Variants in SLC6A17 observed in about 807,000 individuals in gnomAD.
The protein encoded by SLC6A17 is sodium-dependent neutral amino acid transporter SLC6A17.
In SLC6A17, 21 loss-of-function variants were observed where a neutral mutation model predicts 64.5. That is an observed-to-expected ratio of 0.33 (90% CI 0.23 to 0.47). SLC6A17 has a LOEUF of 0.47. Ranked by LOEUF, SLC6A17 falls within the 20% of genes least tolerant of loss-of-function variation. The pLI is 1.00. For missense variants in SLC6A17, 682 were observed against 963.2 expected, an observed-to-expected ratio of 0.71 and a Z score of 3.86; for synonymous variants, 372 against 399.5, an observed-to-expected ratio of 0.93 and a Z score of 0.82.
rs577209902 is a variant in SLC6A17, at chr1:110,198,111, C to G, written c.1851C>G (p.Ala617=). 1 of 1,613,918 alleles carries G rather than the reference C, an allele frequency of 6.2e-7. No individual in the cohort carries two copies. Among genetic ancestry groups the G allele is most frequent in the South Asian group, 1.1e-5 (1 of 91,086 alleles). Residue 617 remains alanine, a synonymous_variant, in exon 12 of 12, where the codon GCC becomes GCG. Transcript: ENST00000331565. ...GCTACCTGTATTTCCCCAACTGGGC[C>G]ATGGCACTCCTGATCACCCTCATCG... ...AERYLYFPNW[A]MALLITLIVV...
chr1:110,198,006 G>C, intron 11 of SLC6A17, 70 bp from the exon 12 acceptor site: 1 of 1,547,860 alleles, frequency 6.5e-7, no homozygotes. Flanking sequence ...CAGGAGAGCA[G>C]TCTTGGAGGG....
chr1:110,194,796 C>T, intron 9 of SLC6A17, 25 bp downstream of exon 9: 4 of 1,607,334 alleles, frequency 2.5e-6, no homozygotes, highest in Non-Finnish European at 3.4e-6. Flanking sequence ...CCCCCATGCC[C>T]AGGCTCTGCA....
chr1:110,154,479 A>G (rs1655702717), intron 1 of SLC6A17, among the ~76,000 whole-genome samples: 2 of 152,182 alleles, frequency 1.3e-5, no homozygotes, highest in Admixed American at 6.5e-5. Flanking sequence ...GCCTGTACTA[A>G]TTGGAAATTG....
Position 110,201,826 on chromosome 1 carries a change from C to T in SLC6A17, c.*3382C>T, listed in dbSNP as rs1249503334. 2 of 152,376 alleles carry T rather than the reference C, an allele frequency of 1.3e-5. No homozygotes were observed. Among genetic ancestry groups the T allele is most frequent in the African/African-American group, 4.8e-5 (2 of 41,534 alleles). 9.4% of individuals were successfully genotyped at this position (152,376 alleles called of 1,614,324 possible). A position where few individuals can be genotyped will look rare whatever the true frequency, so the allele number is the denominator to read the frequency against. ...CCCCACCCCACTCCCCCAGAGTACT[C>T]CCCACTGTGAAAAGAGCTGGAAACT... On this transcript the variant is annotated 3_prime_UTR_variant, in exon 12 of 12. Coordinates refer to ENST00000331565, the MANE Select transcript of SLC6A17 (RefSeq NM_001010898.4).
chr1:110,174,819 C>T lies in SLC6A17; in HGVS notation c.612C>T (p.Tyr204=). ...GTGAAAAGAGCTCAGCCACTACCTA[C>T]TTCTGGTACCGAGAGGCCTTGGACA... ...AECEKSSATT[Y]FWYREALDIS... is the part of the protein sequence containing the mutation. Residue 204 remains tyrosine (Y), a synonymous_variant, in exon 5 of 12, where the codon TAC becomes TAT. Coordinates refer to ENST00000331565, the MANE Select transcript of SLC6A17 (RefSeq NM_001010898.4). The T allele has an allele frequency of 6.2e-7, 1 of 1,614,212 alleles. No individual in the cohort carries two copies. The highest frequency in any genetic ancestry group is 1.1e-5 in the South Asian group (1 of 91,076).
intron 6 of SLC6A17, among the ~76,000 whole-genome samples, chr1:110,191,283 CAATA>C (rs1276993073): frequency 3.3e-5 from 5 of 152,288 alleles, no homozygotes; most frequent in African/African-American, 1.2e-4. Flanking sequence ...AAGGAACAAA[CAATA>C]AAAGGAAAAT....
At chr1:110,183,381 G>A (rs958883231) in intron 6 of SLC6A17, among the ~76,000 whole-genome samples, 2 of 152,118 alleles carry the variant, frequency 1.3e-5, no homozygotes, top group Admixed American at 6.5e-5. Flanking sequence ...GACCACACAC[G>A]GTATGAGTCC....
intron 6 of SLC6A17, among the ~76,000 whole-genome samples, chr1:110,186,765 A>C (rs1489115753): frequency 6.6e-6 from 1 of 152,212 alleles, no homozygotes; most frequent in Non-Finnish European, 1.5e-5. Context: ...CCTAAGCACA[A>C]AGTGTTGAAA....
chr1:110,167,148 G>A lies in SLC6A17; in HGVS notation c.219G>A (p.Gln73=). 2 of 1,613,794 alleles carry A rather than the reference G, an allele frequency of 1.2e-6. No homozygotes were observed. Among genetic ancestry groups the A allele is most frequent in the Non-Finnish European group, 1.7e-6 (2 of 1,179,930 alleles). ...GTAAGCTGCAGTACATCCTGGCCCA[G>A]ATTGGCTTCTCTGTGGGCCTCGGCA... The part of the protein sequence containing the change: ...WNSKLQYILA[Q]IGFSVGLGNI... The change falls in exon 2 of 12, where the codon CAG becomes CAA. Residue 73 remains glutamine, a synonymous_variant. Coordinates refer to ENST00000331565, the MANE Select transcript of SLC6A17 (RefSeq NM_001010898.4).
At chr1:110,175,787 A>G (rs1044925423) in intron 5 of SLC6A17, among the ~76,000 whole-genome samples, 2 of 152,238 alleles carry the variant, frequency 1.3e-5, no homozygotes, top group African/African-American at 4.8e-5. Flanking sequence ...TTCCCTTTCC[A>G]GAGGCTGAAA....
rs760699476 is a variant in SLC6A17, at chr1:110,172,142, G to A, written c.369G>A (p.Arg123=). The change falls in exon 3 of 12, where the codon AGG becomes AGA. Residue 123 remains arginine (R), a synonymous_variant. Transcript: ENST00000331565. ...TCCTGGAGCTGGCTGTGGGTCAGAG[G>A]ATCCGCCGCGGCAGCATCGGTGTGT... ...LFFLELAVGQ[R]IRRGSIGVWH... 4 of 1,613,854 alleles carry A rather than the reference G, an allele frequency of 2.5e-6. No homozygotes were observed. Among genetic ancestry groups the A allele is most frequent in the Non-Finnish European group, 3.4e-6 (4 of 1,179,900 alleles).
intron 1 of SLC6A17, among the ~76,000 whole-genome samples, chr1:110,161,239 C>A (rs1395755411): frequency 6.6e-6 from 1 of 152,132 alleles, no homozygotes; most frequent in Non-Finnish European, 1.5e-5. Flanking sequence ...CTCAGGGGCT[C>A]TGAGGTAATT....
chr1:110,192,329 G>T lies in SLC6A17; in HGVS notation c.1106+116G>T. The stretch of plus-strand genomic sequence containing the variant: ...AGAGGTCCCCTCCACTCAGACTGAG[G>T]AATGGAGATCAGAGGAGCACTCTCT... On this transcript the variant is annotated intron_variant, in intron 7 of 11. Coordinates refer to ENST00000331565, the MANE Select transcript of SLC6A17 (RefSeq NM_001010898.4). This position sits in a 1 kb window ranked among gnomAD's most constrained non-coding sequence, Gnocchi z 4.3. The T allele has an allele frequency of 6.7e-7, 1 of 1,503,314 alleles. No individual in the cohort carries two copies. The highest frequency in any genetic ancestry group is 9.0e-7 in the Non-Finnish European group (1 of 1,111,584). 93.1% of individuals were successfully genotyped at this position (1,503,314 alleles called of 1,614,324 possible).
chr1:110,196,513 G>A (rs1335616837), intron 10 of SLC6A17, among the ~76,000 whole-genome samples: 1 of 152,162 alleles, frequency 6.6e-6, no homozygotes, highest in South Asian at 2.1e-4. Flanking sequence ...GCTTCCACCT[G>A]CTGTGGGCCA....
intron 9 of SLC6A17, 196 bp downstream of exon 9, chr1:110,194,967 C>A: frequency 1.4e-6 from 1 of 694,820 alleles, no homozygotes; most frequent in Non-Finnish European, 2.4e-6. Flanking sequence ...ACTTGGAAAT[C>A]TGGAGCAAAC....
chr1:110,158,758 A>G (rs985105526), intron 1 of SLC6A17, among the ~76,000 whole-genome samples: 1 of 152,242 alleles, frequency 6.6e-6, no homozygotes, highest in Non-Finnish European at 1.5e-5. Flanking sequence ...GTCAGGCTCC[A>G]GGGTCAGTCT....
Position 110,172,193 on chromosome 1 carries a change from G to A in SLC6A17, c.420G>A (p.Gly140=), listed in dbSNP as rs1391005869. Residue 140 remains glycine (G), a synonymous_variant, in exon 3 of 12, where the codon GGG becomes GGA. Transcript: ENST00000331565. ...GVWHYICPRL[G]GIGFSSCIVC... ...GGCACTATATATGTCCCCGCCTGGG[G>A]GGCATCGGCTTCTCCAGCTGCATAG... 6.9e-6 allele frequency: 11 copies of A among 1,600,550 alleles called. No individual in the cohort carries two copies. Among genetic ancestry groups the A allele is most frequent in the Non-Finnish European group, 9.4e-6 (11 of 1,173,830 alleles).
intron 1 of SLC6A17, among the ~76,000 whole-genome samples, chr1:110,161,862 G>T (rs984266551): frequency 6.6e-6 from 1 of 152,170 alleles, no homozygotes; most frequent in Admixed American, 6.5e-5. Flanking sequence ...GCTTATTGCC[G>T]GATGCTGTGC....
intron 1 of SLC6A17, among the ~76,000 whole-genome samples, chr1:110,151,614 C>G (rs933875844): frequency 2.0e-5 from 3 of 152,148 alleles, no homozygotes; most frequent in Non-Finnish European, 4.4e-5. Flanking sequence ...GCTCGCAGTA[C>G]TATGGGTGGG....
Sources: gnomAD v4.1 joint callset for allele counts (sites outside exome capture counted in the v4.1 genomes callset) on GRCh38, gnomAD v4.1.1 for gene constraint, Gnocchi (gnomAD v3.1) non-coding constraint, MANE v1.5 for transcripts, NCBI Gene and HGNC (gene_info 2026-07-23, HGNC 2026-07-21) for gene names.